MAGOH: variants seen among roughly 807,000 people sequenced by gnomAD.
MAGOH encodes protein mago nashi homolog.
A neutral mutation model predicts 20.9 loss-of-function variants in MAGOH; 3 were observed. The ratio of observed to expected loss-of-function variants is 0.14; its 90% CI spans 0.07 to 0.37. The LOEUF is 0.37. Ranked by LOEUF, MAGOH falls within the 10% of genes least tolerant of loss-of-function variation. MAGOH has a pLI of 1.00. For missense variants in MAGOH, 66 were observed against 178.1 expected (o/e 0.37, Z 3.58); for synonymous variants, 51 against 61.0 (o/e 0.84, Z 0.76).
intron 1 of MAGOH, among the ~76,000 whole-genome samples, chr1:53,237,110 G>A (rs1245805494): frequency 1.3e-5 from 2 of 151,352 alleles, no homozygotes; most frequent in Non-Finnish European, 2.9e-5. Context: ...CACCACACCC[G>A]GCTAATTTTT....
chr1:53,230,963 T>C (rs1645583378), intron 3 of MAGOH, among the ~76,000 whole-genome samples: 1 of 152,228 alleles, frequency 6.6e-6, no homozygotes, highest in African/African-American at 2.4e-5. Context: ...TCTATACATC[T>C]CCTTGTACAT....
intron 2 of MAGOH, among the ~76,000 whole-genome samples, chr1:53,234,413 G>A (rs1444327246): frequency 2.9e-5 from 4 of 138,560 alleles, no homozygotes; most frequent in Non-Finnish European, 6.1e-5. Flanking sequence ...TTGCTCTGTC[G>A]CCCAGGCTGG....
rs1371827678 is a variant in MAGOH at position 53,238,350 on chromosome 1, G to T, written c.88+11C>A. The T allele has an allele frequency of 6.2e-7, 1 of 1,613,788 alleles. No homozygotes were observed. The highest frequency in any genetic ancestry group is 1.3e-5 in the African/African-American group (1 of 74,920). On this transcript the variant is annotated intron_variant, in intron 1 of 4. Coordinates refer to ENST00000371470, the MANE Select transcript of MAGOH (RefSeq NM_002370.4). ...GGTCCCCGCTCCCGGCGGGCGGCAG[G>T]CTGCTTTTACCGTCCGGTCGAAACT...
At chr1:53,228,378 G>A (rs1232887837) in intron 4 of MAGOH, among the ~76,000 whole-genome samples, 3 of 152,170 alleles carry the variant, frequency 2.0e-5, no homozygotes, top group Non-Finnish European at 2.9e-5. Context: ...GTTGCAGTGA[G>A]CTGAGATTGC....
chr1:53,229,445 G>A (rs1052060134), intron 3 of MAGOH, among the ~76,000 whole-genome samples: 2 of 152,000 alleles, frequency 1.3e-5, no homozygotes, highest in African/African-American at 2.4e-5. Flanking sequence ...ATAGAGACAG[G>A]GTTTCGCCAT....
chr1:53,230,898 A>T (rs1572396217), intron 3 of MAGOH, among the ~76,000 whole-genome samples: 3 of 152,348 alleles, frequency 2.0e-5, no homozygotes, highest in Admixed American at 2.0e-4. Flanking sequence ...TCCCTACTGA[A>T]ATAAACTTAA....
At chr1:53,233,682 G>C in intron 2 of MAGOH, 30 bp from the exon 3 acceptor site, 1 of 1,388,964 alleles carries the variant, frequency 7.2e-7, no homozygotes, top group Non-Finnish European at 1.0e-6. Context: ...CAAAATGTAT[G>C]TTGTATCCTT....
intron 2 of MAGOH, chr1:53,233,926 A>G: frequency 3.5e-6 from 1 of 286,106 alleles, no homozygotes; most frequent in Non-Finnish European, 6.6e-6. Context: ...CCCAACTCAC[A>G]ACGAAACCCA....
Position 53,238,245 on chromosome 1 carries a change from C to T in MAGOH, c.88+116G>A, listed in dbSNP as rs532801161. 14 of 893,848 alleles carry T rather than the reference C, an allele frequency of 1.6e-5. No individual in the cohort carries two copies. The African/African-American group carries it at 2.3e-4, about 15-fold the overall frequency. 55.4% of individuals were successfully genotyped at this position (893,848 alleles called of 1,614,324 possible). A position where few individuals can be genotyped will look rare whatever the true frequency, so the allele number is the denominator to read the frequency against. Reference sequence around the variant, plus strand: ...TGGCGTTCCTTTAAGATCTGCACTGCACAGGTCTCAGTCCCTCCCTCCTCT... The same window carrying T: ...TGGCGTTCCTTTAAGATCTGCACTGTACAGGTCTCAGTCCCTCCCTCCTCT... On this transcript the variant is annotated intron_variant, in intron 1 of 4. Transcript: ENST00000371470.
chr1:53,236,298 T>C (rs1645609928), intron 1 of MAGOH, among the ~76,000 whole-genome samples: 1 of 152,226 alleles, frequency 6.6e-6, no homozygotes, highest in African/African-American at 2.4e-5. Flanking sequence ...TCACTGTCCA[T>C]ACAGTGGACA....
intron 2 of MAGOH, among the ~76,000 whole-genome samples, chr1:53,234,373 C>CT (rs71579963): frequency 0.26 from 33,955 of 132,634 alleles, 4,906 homozygotes; most frequent in East Asian, 0.38. Flanking sequence ...CCTGGTTATT[C>CT]TTTTTTTTTT....
In MAGOH at chr1:53,238,494, A is replaced by G. The variant is rs1645629387; in HGVS notation, c.-46T>C. On this transcript the variant is annotated 5_prime_UTR_variant, in exon 1 of 5. Coordinates refer to ENST00000371470, the MANE Select transcript of MAGOH (RefSeq NM_002370.4). ...GCCTGAACTTCCAAGAGCAAGCCGC[A>G]CTGCCGCCGTCTGCGCCCGACACTG... 1.3e-6 allele frequency: 2 copies of G among 1,552,986 alleles called. No individual in the cohort carries two copies. Among genetic ancestry groups the G allele is most frequent in the Admixed American group, 1.7e-5 (1 of 59,888 alleles).
rs373910160 is a variant in MAGOH at position 53,227,189 on chromosome 1, C to T, written c.342-45G>A. ...AAGTTTAGGCATTAAAACTTTGACC[C>T]ATCAAGTGTCCCTAAAAAGGAAAAG... On this transcript the variant is annotated intron_variant, in intron 4 of 4. Coordinates refer to ENST00000371470, the MANE Select transcript of MAGOH (RefSeq NM_002370.4). 50 of 1,046,368 alleles carry T rather than the reference C, an allele frequency of 4.8e-5. No homozygotes were observed. The African/African-American group carries it at 6.4e-4, about 13-fold the overall frequency. 64.8% of individuals were successfully genotyped at this position (1,046,368 alleles called of 1,614,324 possible).
chr1:53,230,040 A>G (rs1484849252), intron 3 of MAGOH, among the ~76,000 whole-genome samples: 5 of 152,198 alleles, frequency 3.3e-5, no homozygotes, highest in African/African-American at 1.2e-4. Flanking sequence ...CAATTTCCAA[A>G]CAGTGACATG....
At position 53,233,438 on chromosome 1, in the gene MAGOH, T is replaced by C. The variant is rs572680707; in HGVS notation, c.258+104A>G. 5.4e-5 allele frequency: 39 copies of C among 719,370 alleles called. No homozygotes were observed. In the African/African-American group the frequency reaches 6.7e-4, roughly 12 times the overall value. 44.6% of individuals were successfully genotyped at this position (719,370 alleles called of 1,614,324 possible). On this transcript the variant is annotated intron_variant, in intron 3 of 4. Transcript: ENST00000371470. Reference sequence around the variant, plus strand: ...TATCTCCACAATGCTTTGTCCATAGTAGTTAGTAAGTGAGATAGGCAACAA... The same window carrying C: ...TATCTCCACAATGCTTTGTCCATAGCAGTTAGTAAGTGAGATAGGCAACAA...
intron 3 of MAGOH, among the ~76,000 whole-genome samples, chr1:53,230,442 G>A (rs1336300152): frequency 6.6e-6 from 1 of 152,034 alleles, no homozygotes; most frequent in African/African-American, 2.4e-5. Flanking sequence ...TTTAGATACA[G>A]GATCTCACTC....
At chr1:53,228,531 A>C (rs763384616) in intron 4 of MAGOH, among the ~76,000 whole-genome samples, 2 of 152,244 alleles carry the variant, frequency 1.3e-5, no homozygotes, top group Non-Finnish European at 1.5e-5. Context: ...CAGTCTCAAC[A>C]GTCACACTGA....
intron 3 of MAGOH, among the ~76,000 whole-genome samples, chr1:53,229,333 G>A (rs1249120723): frequency 6.6e-6 from 1 of 151,968 alleles, no homozygotes; most frequent in African/African-American, 2.4e-5. Context: ...TGAGTGGCTG[G>A]GACTACAGGT....
At chr1:53,229,639 C>G (rs1645576679) in intron 3 of MAGOH, among the ~76,000 whole-genome samples, 1 of 152,134 alleles carries the variant, frequency 6.6e-6, no homozygotes, top group Non-Finnish European at 1.5e-5. Flanking sequence ...AACAATTGGA[C>G]TGGGTGTGGT....
Sources: allele counts gnomAD v4.1 joint callset (sites outside exome capture counted in the v4.1 genomes callset), GRCh38; gene constraint gnomAD v4.1.1; transcripts MANE v1.5; gene names NCBI Gene and HGNC (gene_info 2026-07-23, HGNC 2026-07-21).